The following CEP128 variants were observed in gnomAD, a reference collection of about 807,000 sequenced individuals.
CEP128 encodes the protein centrosomal protein 128, also known as centrosomal protein 128kDa.
In CEP128, 132 loss-of-function variants were observed where a neutral mutation model predicts 156.7. The ratio of observed to expected loss-of-function variants is 0.84; its 90% CI spans 0.73 to 0.97. The LOEUF (loss-of-function observed/expected upper bound fraction) is 0.97, where lower values mean the gene tolerates loss of function less well. Among genes scored for constraint, CEP128 ranks in the 50% least tolerant of loss-of-function variants. The probability of loss-of-function intolerance (pLI) is 0.00; values close to 1 mark genes in which losing one functional copy is unlikely to be tolerated. For missense variants in CEP128, 1,252 were observed against 1,281.9 expected (o/e 0.98, Z 0.36); for synonymous variants, 469 against 448.9 (o/e 1.04, Z -0.57).
intron 2 of CEP128, among the ~76,000 whole-genome samples, chr14:80,924,674 G>T (rs1885052396): frequency 6.6e-6 from 1 of 151,962 alleles, no homozygotes; most frequent in South Asian, 2.1e-4. Context: ...CTGAGCTCTT[G>T]CATCCTTCTA....
chr14:80,761,657 G>A (rs746150830), intron 16 of CEP128, 44 bp from the exon 17 acceptor site: 2 of 1,405,832 alleles, frequency 1.4e-6, no homozygotes, highest in Non-Finnish European at 1.9e-6. Flanking sequence ...ACTATTAAGT[G>A]GAGGCAAGAA....
At chr14:80,567,822 A>C (rs1890979031) in intron 20 of CEP128, among the ~76,000 whole-genome samples, 1 of 152,158 alleles carries the variant, frequency 6.6e-6, no homozygotes, top group Non-Finnish European at 1.5e-5. Flanking sequence ...GCAAAGGACA[A>C]CCAGTGCAAT....
At chr14:80,754,808 C>T (rs1899569358) in intron 18 of CEP128, among the ~76,000 whole-genome samples, 2 of 152,126 alleles carry the variant, frequency 1.3e-5, no homozygotes, top group Admixed American at 6.5e-5. Flanking sequence ...GCATCTGAGA[C>T]GTAGTAGTTT....
intron 19 of CEP128, among the ~76,000 whole-genome samples, chr14:80,607,777 T>C (rs868369996): frequency 6.6e-6 from 1 of 152,192 alleles, no homozygotes. Context: ...CAACTAACTT[T>C]TTAACTAATA....
Position 80,647,100 on chromosome 14 carries a change from T to TAC in CEP128, c.2807-66679_2807-66678dup, listed in dbSNP as rs1323202529. 1.9e-3 allele frequency among the ~76,000 whole-genome samples: 196 copies of TAC among 104,502 alleles called. 10 individuals carry two copies. Among genetic ancestry groups the TAC allele is most frequent in the African/African-American group, 6.4e-3 (175 of 27,482 alleles). The allele number at this position is 104,502 out of a possible 152,430, so 68.6% of individuals were successfully genotyped here. A position where few individuals can be genotyped will look rare whatever the true frequency, so the allele number is the denominator to read the frequency against. On this transcript the variant is annotated intron_variant, in intron 19 of 24. Coordinates refer to ENST00000555265, the MANE Select transcript of CEP128 (RefSeq NM_152446.5). ...ATATATATATATACACCCTTATAAATACACATACACACACACACACACACA... is the reference window on the plus strand; with the variant it reads ...ATATATATATATACACCCTTATAAATACACACATACACACACACACACACACA...
intron 19 of CEP128, among the ~76,000 whole-genome samples, chr14:80,663,695 GA>G (rs1895493559): frequency 6.6e-6 from 1 of 152,176 alleles, no homozygotes; most frequent in Non-Finnish European, 1.5e-5. Context: ...ACAACTCCAT[GA>G]GGTTGGCATC....
At chr14:80,486,041 T>G (rs1887156991), downstream of CEP128, among the ~76,000 whole-genome samples, 1 of 152,264 alleles carries the variant, frequency 6.6e-6, no homozygotes, top group Non-Finnish European at 1.5e-5. Context: ...CTGTACATTT[T>G]AGTACTTTAA....
intron 20 of CEP128, among the ~76,000 whole-genome samples, chr14:80,565,640 G>A (rs1181472340): frequency 3.3e-5 from 5 of 152,184 alleles, no homozygotes; most frequent in African/African-American, 1.2e-4. Context: ...TTAGAATTTA[G>A]GAATGGACCA....
At chr14:80,800,638 G>A (rs541724739) in intron 13 of CEP128, among the ~76,000 whole-genome samples, 4 of 152,232 alleles carry the variant, frequency 2.6e-5, no homozygotes, top group South Asian at 2.1e-4. Flanking sequence ...GGAATCATAC[G>A]ATCTTGATGC....
downstream of CEP128, among the ~76,000 whole-genome samples, chr14:80,495,926 C>T (rs533836801): frequency 3.1e-4 from 47 of 152,148 alleles, no homozygotes; most frequent in African/African-American, 1.1e-3. Context: ...TAAATATTAC[C>T]ATAGAGTGAT....
chr14:80,732,786 G>A (rs768130191), intron 19 of CEP128, among the ~76,000 whole-genome samples: 1 of 152,072 alleles, frequency 6.6e-6, no homozygotes, highest in South Asian at 2.1e-4. Flanking sequence ...AATAATCTGT[G>A]TTGGACTTTA....
chr14:80,878,057 C>T (rs1228927670), intron 8 of CEP128, among the ~76,000 whole-genome samples: 1 of 152,130 alleles, frequency 6.6e-6, no homozygotes, highest in African/African-American at 2.4e-5. Flanking sequence ...CTCCTACACA[C>T]CAGAGAAGTC....
intron 18 of CEP128, among the ~76,000 whole-genome samples, chr14:80,754,361 T>G (rs529353726): frequency 1.3e-5 from 2 of 152,262 alleles, no homozygotes; most frequent in East Asian, 3.9e-4. Flanking sequence ...TCAGCCTCCA[T>G]GGCAGCTTCT....
At chr14:80,553,972 A>G (rs1274673999) in intron 21 of CEP128, among the ~76,000 whole-genome samples, 2 of 152,202 alleles carry the variant, frequency 1.3e-5, no homozygotes, top group African/African-American at 2.4e-5. Flanking sequence ...TTTCAGTGCT[A>G]AGGTGATTTA....
intron 13 of CEP128, among the ~76,000 whole-genome samples, chr14:80,804,634 C>T (rs912049596): frequency 1.3e-5 from 2 of 151,980 alleles, no homozygotes; most frequent in African/African-American, 4.8e-5. Flanking sequence ...AAATAGCTGA[C>T]TCAAGTGTAA....
chr14:80,609,667 C>T (rs1489782341), intron 19 of CEP128, among the ~76,000 whole-genome samples: 1 of 152,096 alleles, frequency 6.6e-6, no homozygotes, highest in Non-Finnish European at 1.5e-5. Context: ...ACCAGTACAC[C>T]CTAACCAACA....
At chr14:80,693,183 C>T (rs1446673134) in intron 19 of CEP128, among the ~76,000 whole-genome samples, 1 of 152,092 alleles carries the variant, frequency 6.6e-6, no homozygotes, top group African/African-American at 2.4e-5. Context: ...CAGACCAATA[C>T]CTTGACTCAC....
intron 19 of CEP128, among the ~76,000 whole-genome samples, chr14:80,679,197 A>G (rs757470079): frequency 3.3e-5 from 5 of 152,198 alleles, no homozygotes; most frequent in Non-Finnish European, 7.3e-5. Context: ...ATATGAAATC[A>G]GTGCACCTTG....
intron 21 of CEP128, among the ~76,000 whole-genome samples, chr14:80,539,529 C>A (rs189263631): frequency 6.6e-6 from 1 of 152,302 alleles, no homozygotes; most frequent in Admixed American, 6.5e-5. Flanking sequence ...TCTTCATAAG[C>A]TGAGGATGTA....
Sources: allele counts gnomAD v4.1 joint callset (sites outside exome capture counted in the v4.1 genomes callset), GRCh38; gene constraint gnomAD v4.1.1; transcripts MANE v1.5; gene names NCBI Gene and HGNC (gene_info 2026-07-23, HGNC 2026-07-21).